KIF5A: variants seen among roughly 807,000 people sequenced by gnomAD.
KIF5A encodes the protein kinesin family member 5A, also known as kinesin heavy chain isoform 5A.
KIF5A carries 35 observed loss-of-function variants against 141.3 expected under a neutral mutation model. The ratio of observed to expected loss-of-function variants is 0.25; its 90% CI spans 0.19 to 0.33. KIF5A has a LOEUF of 0.33. Among genes scored for constraint, KIF5A ranks in the 10% least tolerant of loss-of-function variants. The pLI is 1.00. For synonymous variants in KIF5A, 448 were observed against 500.2 expected (o/e 0.90, Z 1.39); for missense variants, 861 against 1,314.3 (o/e 0.66, Z 5.33).
intron 25 of KIF5A, 144 bp from the exon 26 acceptor site, chr12:57,581,726 C>A: frequency 8.3e-7 from 1 of 1,202,720 alleles, no homozygotes; most frequent in Non-Finnish European, 1.2e-6. Context: ...GCCCTCCCAG[C>A]CTGTGGCCAT....
intron 25 of KIF5A, 137 bp downstream of exon 25, chr12:57,581,705 G>C: frequency 4.0e-6 from 5 of 1,249,630 alleles, no homozygotes; most frequent in Non-Finnish European, 4.6e-6. Context: ...ATGATTAGAA[G>C]GTAGGTGTCT....
Position 57,550,513 on chromosome 12 carries a change from C to A in KIF5A, c.129+113C>A. ...TTTGCTCCCCCTCCCCGCCGCTCAT[C>A]CTTCATCCTCTTCCCCGCAGCCCCT... On this transcript the variant is annotated intron_variant, in intron 1 of 28. Coordinates refer to ENST00000455537, the MANE Select transcript of KIF5A (RefSeq NM_004984.4). The surrounding 1 kb of genome is among the most constrained non-coding windows in gnomAD (Gnocchi z 4.6). 1 of 1,138,612 alleles carries A rather than the reference C, an allele frequency of 8.8e-7. No homozygotes were observed. Among genetic ancestry groups the A allele is most frequent in the Non-Finnish European group, 1.3e-6 (1 of 784,836 alleles). The allele number at this position is 1,138,612 out of a possible 1,614,324, so 70.5% of individuals were successfully genotyped here. A position where few individuals can be genotyped will look rare whatever the true frequency, so the allele number is the denominator to read the frequency against.
At chr12:57,564,639 C>T (rs1358893204) in intron 5 of KIF5A, 131 bp downstream of exon 5, 9 of 869,168 alleles carry the variant, frequency 1.0e-5, no homozygotes, top group Admixed American at 1.9e-5. Context: ...CTTTTGGCCC[C>T]GTTTACCAGA....
At chr12:57,563,797 G>A in intron 3 of KIF5A, 104 bp downstream of exon 3, 2 of 1,077,478 alleles carry the variant, frequency 1.9e-6, no homozygotes, top group South Asian at 2.5e-5. Context: ...CTGGTCCAGA[G>A]GCAGATAGAT....
In KIF5A at chr12:57,572,161, T is replaced by A; in HGVS notation, c.1463T>A (p.Leu488Gln). 6.2e-7 allele frequency: 1 copy of A among 1,614,046 alleles called. No individual in the cohort carries two copies. Among genetic ancestry groups the A allele is most frequent in the Non-Finnish European group, 8.5e-7 (1 of 1,179,966 alleles). Residue 488 changes from leucine (L) to glutamine (Q), a missense_variant, in exon 14 of 29, where the codon CTG becomes CAG. Physicochemically the swap from Leu to Gln is moderately radical, Grantham distance 113 (BLOSUM62 -2). Coordinates refer to ENST00000455537, the MANE Select transcript of KIF5A (RefSeq NM_004984.4). The surrounding 1 kb of genome is among the most constrained non-coding windows in gnomAD (Gnocchi z 4.2). Reference protein sequence around the residue: ...DAAKDEVKEVLQALEELAVNY... With the variant: ...DAAKDEVKEVQQALEELAVNY... ...GCTAAGGATGAGGTGAAGGAAGTGC[T>A]GCAGGCCCTGGAGGAGCTGGCTGTG...
intron 26 of KIF5A, 39 bp from the exon 27 acceptor site, chr12:57,582,560 TTTC>T (rs779377127): frequency 8.9e-6 from 14 of 1,569,442 alleles, no homozygotes; most frequent in African/African-American, 8.1e-5. Context: ...AATCTCCTTT[TTTC>T]TTCTTCTAAT....
At position 57,582,704 on chromosome 12, in the gene KIF5A, C is replaced by T. The variant is rs1215851797; in HGVS notation, c.3020+75C>T. ...ATGATTAAATTTCCCTTGTGCCCCA[C>T]TTGGAGGTTCCTGGAGCCTTTGGGG... On this transcript the variant is annotated intron_variant, in intron 27 of 28. Transcript: ENST00000455537. 3.2e-6 allele frequency: 4 copies of T among 1,252,754 alleles called. No individual in the cohort carries two copies. In the East Asian group the frequency reaches 9.2e-5, roughly 29 times the overall value. 77.6% of individuals were successfully genotyped at this position (1,252,754 alleles called of 1,614,324 possible). A position where few individuals can be genotyped will look rare whatever the true frequency, so the allele number is the denominator to read the frequency against.
intron 6 of KIF5A, among the ~76,000 whole-genome samples, chr12:57,565,870 C>T (rs1485738203): frequency 1.3e-5 from 2 of 151,646 alleles, no homozygotes; most frequent in Non-Finnish European, 2.9e-5. Flanking sequence ...GGTGATCCAC[C>T]TGCCTCAGCC....
intron 26 of KIF5A, among the ~76,000 whole-genome samples, chr12:57,582,338 C>T (rs1365692277): frequency 6.6e-6 from 1 of 152,144 alleles, no homozygotes; most frequent in Admixed American, 6.5e-5. Flanking sequence ...AGGTCTCAGG[C>T]TGCCTGGGAG....
chr12:57,558,799 A>G (rs1188846565), intron 1 of KIF5A, among the ~76,000 whole-genome samples: 1 of 152,238 alleles, frequency 6.6e-6, no homozygotes, highest in Admixed American at 6.5e-5. Flanking sequence ...TTTTCAAGAC[A>G]GGGTCTCACT....
At chr12:57,559,704 T>C (rs1249313596) in intron 1 of KIF5A, among the ~76,000 whole-genome samples, 1 of 152,202 alleles carries the variant, frequency 6.6e-6, no homozygotes, top group East Asian at 1.9e-4. Context: ...ACCACTTGTA[T>C]GTTGTTACCA....
At chr12:57,566,086 G>T (rs1162118919) in intron 6 of KIF5A, among the ~76,000 whole-genome samples, 1 of 151,712 alleles carries the variant, frequency 6.6e-6, no homozygotes, top group Non-Finnish European at 1.5e-5. Flanking sequence ...GTAGTAGAGA[G>T]ACAGTGGTTT....
chr12:57,550,119 C>T lies in KIF5A; in HGVS notation c.-153C>T. 1 of 1,047,258 alleles carries T rather than the reference C, an allele frequency of 9.5e-7. No homozygotes were observed. The highest frequency in any genetic ancestry group is 1.3e-5 in the South Asian group (1 of 76,630). 64.9% of individuals were successfully genotyped at this position (1,047,258 alleles called of 1,614,324 possible). On this transcript the variant is annotated 5_prime_UTR_variant, in exon 1 of 29. Transcript: ENST00000455537. The surrounding 1 kb of genome is among the most constrained non-coding windows in gnomAD (Gnocchi z 4.6). ...AGGAGAGAGACAGCGCGCCCCGGCC[C>T]TGCTCCCCAGGCTTCGCCCGGGCGC...
intron 1 of KIF5A, among the ~76,000 whole-genome samples, chr12:57,552,452 AG>A (rs1034990588): frequency 1.1e-4 from 17 of 152,286 alleles, no homozygotes; most frequent in Admixed American, 9.2e-4. Flanking sequence ...TGATATCTGT[AG>A]GGCTGTACCT....
intron 3 of KIF5A, among the ~76,000 whole-genome samples, 172 bp downstream of exon 3, chr12:57,563,865 A>G (rs149559176): frequency 4.9e-4 from 74 of 152,244 alleles, no homozygotes; most frequent in Middle Eastern, 6.8e-3. Context: ...AATCCCTCCA[A>G]CCCACTGCAG....
rs542701424 is a variant in KIF5A at position 57,582,590 on chromosome 12, T to C, written c.2993-12T>C. The C allele has an allele frequency of 1.5e-5, 24 of 1,609,716 alleles. No individual in the cohort carries two copies. In the East Asian group the frequency reaches 5.1e-4, roughly 34 times the overall value. ...TCTTCTAATCCTGTGTTCTCAATGA[T>C]GATCTCTTCAGGAAATGCCACAGAT... On this transcript the variant is annotated splice_polypyrimidine_tract_variant and intron_variant, in intron 26 of 28. Coordinates refer to ENST00000455537, the MANE Select transcript of KIF5A (RefSeq NM_004984.4).
chr12:57,559,087 T>A (rs966930559), intron 1 of KIF5A, among the ~76,000 whole-genome samples: 2 of 152,204 alleles, frequency 1.3e-5, no homozygotes, highest in Non-Finnish European at 2.9e-5. Context: ...ACTGTATAAT[T>A]TGTTGTAGGG....
chr12:57,568,940 C>T (rs1299875891), intron 8 of KIF5A, 23 bp from the exon 9 acceptor site: 4 of 1,564,858 alleles, frequency 2.6e-6, no homozygotes, highest in South Asian at 1.1e-5. Context: ...CTCATACACA[C>T]TCATCTCTTA....
At chr12:57,559,348 T>C (rs974502859) in intron 1 of KIF5A, among the ~76,000 whole-genome samples, 3 of 152,236 alleles carry the variant, frequency 2.0e-5, no homozygotes, top group African/African-American at 4.8e-5. Context: ...AATATCTATT[T>C]ACTCACATTC....
Sources: allele counts gnomAD v4.1 joint callset (sites outside exome capture counted in the v4.1 genomes callset), GRCh38; gene constraint gnomAD v4.1.1; non-coding constraint Gnocchi (gnomAD v3.1); transcripts MANE v1.5; gene names NCBI Gene and HGNC (gene_info 2026-07-23, HGNC 2026-07-21).